DRAM1: variants seen among roughly 807,000 people sequenced by gnomAD.
DRAM1 encodes the protein DNA damage regulated autophagy modulator 1, also known as DNA damage-regulated autophagy modulator protein 1.
In DRAM1, 25 loss-of-function variants were observed where a neutral mutation model predicts 28.5. That is an observed-to-expected ratio of 0.88 (90% confidence interval 0.64 to 1.23). The LOEUF (loss-of-function observed/expected upper bound fraction) is 1.23. Among genes scored for constraint, DRAM1 ranks in the 50% most tolerant of loss-of-function variants. The pLI is 0.00. For missense variants in DRAM1, 249 were observed against 299.2 expected (o/e 0.83, Z 1.24); for synonymous variants, 113 against 114.2 (o/e 0.99, Z 0.07).
At chr12:101,914,023 ATGT>A (rs1452593377) in intron 4 of DRAM1, 148 bp from the exon 5 acceptor site, 6 of 435,036 alleles carry the variant, frequency 1.4e-5, no homozygotes, top group Non-Finnish European at 2.4e-5. Flanking sequence ...GATTGTAGAA[ATGT>A]TGGTATTAAC....
intron 5 of DRAM1, among the ~76,000 whole-genome samples, chr12:101,918,924 T>TATC (rs1391215647): frequency 6.6e-6 from 1 of 151,962 alleles, no homozygotes; most frequent in Non-Finnish European, 1.5e-5. Flanking sequence ...ATTTTATTAT[T>TATC]ATTATTATTA....
chr12:101,908,286 G>A lies in DRAM1; in HGVS notation c.443G>A (p.Cys148Tyr), dbSNP rs1873900093. The A allele has an allele frequency of 6.2e-7, 1 of 1,614,114 alleles. No homozygotes were observed. Among genetic ancestry groups the A allele is most frequent in the African/African-American group, 1.3e-5 (1 of 75,020 alleles). The stretch of plus-strand genomic sequence containing the variant: ...CAGTCCATCATCTCTTACAAATCAT[G>A]TCCCCAGTGGAACAGTCTCTCGACA... ...LLQSIISYKS[C>Y]PQWNSLSTCH... The change falls in exon 4 of 7, where the codon TGT (cysteine) becomes TAT (tyrosine). Residue 148 changes from cysteine to tyrosine, a missense_variant. This residue lies in a region of DRAM1 where 218 missense variants were observed against 243.1 expected (regional missense o/e 0.90). Transcript: ENST00000258534.
chr12:101,887,937 A>C (rs1397201161), intron 1 of DRAM1, among the ~76,000 whole-genome samples: 1 of 152,162 alleles, frequency 6.6e-6, no homozygotes, highest in Non-Finnish European at 1.5e-5. Context: ...TTCAGCCGTA[A>C]CAATGAGTAC....
chr12:101,900,527 G>C (rs1873560415), intron 2 of DRAM1, among the ~76,000 whole-genome samples: 1 of 152,158 alleles, frequency 6.6e-6, no homozygotes, highest in Non-Finnish European at 1.5e-5. Flanking sequence ...AAAGAAAATT[G>C]TAAACATGCA....
At chr12:101,901,078 GGT>G (rs67125604) in intron 2 of DRAM1, among the ~76,000 whole-genome samples, 36,550 of 142,348 alleles carry the variant, frequency 0.26, 4,565 homozygotes, top group Non-Finnish European at 0.3. Flanking sequence ...ACAGCCAAGG[GGT>G]GTGTGTGTGT....
chr12:101,910,886 A>T (rs895252129), intron 4 of DRAM1, among the ~76,000 whole-genome samples: 1 of 152,146 alleles, frequency 6.6e-6, no homozygotes, highest in Non-Finnish European at 1.5e-5. Flanking sequence ...ACACGAAAAG[A>T]TCTTCTGTCT....
chr12:101,892,838 G>T (rs756347041), intron 1 of DRAM1, among the ~76,000 whole-genome samples: 1 of 152,066 alleles, frequency 6.6e-6, no homozygotes, highest in Non-Finnish European at 1.5e-5. Context: ...GACTCAGATT[G>T]TATCTAACAA....
chr12:101,899,649 C>A, intron 2 of DRAM1, among the ~76,000 whole-genome samples: 1 of 147,418 alleles, frequency 6.8e-6, no homozygotes, highest in African/African-American at 2.5e-5. Context: ...GCTGCACTCC[C>A]ACCCAGGTGA....
intron 5 of DRAM1, among the ~76,000 whole-genome samples, chr12:101,914,878 G>C (rs1014190841): frequency 6.6e-6 from 1 of 151,982 alleles, no homozygotes; most frequent in Non-Finnish European, 1.5e-5. Flanking sequence ...GGCTGGTTTG[G>C]AGCTCCTGGC....
At chr12:101,880,337 G>T (rs989274134) in intron 1 of DRAM1, among the ~76,000 whole-genome samples, 1 of 142,964 alleles carries the variant, frequency 7.0e-6, no homozygotes, top group Non-Finnish European at 1.5e-5. Context: ...GCCCAGGCTG[G>T]AGTGCAATGG....
chr12:101,883,765 A>C (rs575093813), intron 1 of DRAM1, among the ~76,000 whole-genome samples: 1 of 151,242 alleles, frequency 6.6e-6, no homozygotes, highest in Non-Finnish European at 1.5e-5. Context: ...GTGAAACCCT[A>C]TCTCTACTAA....
chr12:101,890,749 ATTTTT>A (rs10616632), intron 1 of DRAM1, among the ~76,000 whole-genome samples: 18,214 of 135,622 alleles, frequency 0.13, 1,240 homozygotes, highest in East Asian at 0.25. Context: ...CCGCCATTCT[ATTTTT>A]TTTTTTTTTT....
intron 5 of DRAM1, among the ~76,000 whole-genome samples, chr12:101,918,297 C>T (rs1415301970): frequency 6.6e-6 from 1 of 152,206 alleles, no homozygotes; most frequent in Non-Finnish European, 1.5e-5. Flanking sequence ...ATTCAGGACT[C>T]TTGGTTCCAT....
At chr12:101,879,101 T>A (rs533441471) in intron 1 of DRAM1, among the ~76,000 whole-genome samples, 1 of 152,190 alleles carries the variant, frequency 6.6e-6, no homozygotes, top group East Asian at 1.9e-4. Context: ...TTCAAGCGAT[T>A]CTCCTGCCTC....
chr12:101,885,337 C>T (rs12230012), intron 1 of DRAM1, among the ~76,000 whole-genome samples: 11,227 of 152,138 alleles, frequency 0.074, 472 homozygotes, highest in East Asian at 0.19. Flanking sequence ...TTGTGTCAAG[C>T]GCTGACTTTC....
intron 4 of DRAM1, among the ~76,000 whole-genome samples, chr12:101,913,944 C>T (rs1315475062): frequency 6.6e-6 from 1 of 151,864 alleles, no homozygotes; most frequent in African/African-American, 2.4e-5. Context: ...AAGGTATTTC[C>T]GTGTTGTGAT....
Position 101,878,062 on chromosome 12 carries a change from C to A in DRAM1, c.131+142C>A, listed in dbSNP as rs1241726685. ...AGGTGGGAGCAGGAGGAGAGGTGCT[C>A]CCGATAGCCTGGGATGTTTAGGGAG... On this transcript the variant is annotated intron_variant, in intron 1 of 6. Transcript: ENST00000258534. The A allele has an allele frequency of 1.6e-5, 19 of 1,191,834 alleles. No homozygotes were observed. In the African/African-American group the frequency reaches 2.5e-4, roughly 16 times the overall value. The allele number at this position is 1,191,834 out of a possible 1,614,324, so 73.8% of individuals were successfully genotyped here. A position where few individuals can be genotyped will look rare whatever the true frequency, so the allele number is the denominator to read the frequency against.
chr12:101,916,235 A>C (rs977815260), intron 5 of DRAM1, among the ~76,000 whole-genome samples: 1 of 152,212 alleles, frequency 6.6e-6, no homozygotes, highest in Non-Finnish European at 1.5e-5. Flanking sequence ...GGCCTAGGCC[A>C]GGTGCTGTGG....
chr12:101,879,359 A>G (rs546151576), intron 1 of DRAM1, among the ~76,000 whole-genome samples: 6 of 152,372 alleles, frequency 3.9e-5, no homozygotes, highest in Admixed American at 2.0e-4. Flanking sequence ...ATTTGCAGTA[A>G]TGATGGTGGT....
Sources: gnomAD v4.1 joint callset for allele counts (sites outside exome capture counted in the v4.1 genomes callset) on GRCh38, gnomAD v4.1.1 for gene constraint, gnomAD v4.1.1 regional missense constraint, MANE v1.5 for transcripts, NCBI Gene and HGNC (gene_info 2026-07-23, HGNC 2026-07-21) for gene names.